IL7R: variants seen among roughly 807,000 people sequenced by gnomAD.
IL7R encodes interleukin-7 receptor subunit alpha.
In IL7R, 38 loss-of-function variants were observed where a neutral mutation model predicts 47.0. The ratio of observed to expected loss-of-function variants is 0.81; its 90% CI spans 0.62 to 1.06. The LOEUF (loss-of-function observed/expected upper bound fraction) is 1.06, where lower values mean the gene tolerates loss of function less well. IL7R is among the 50% of genes least tolerant of loss of function. The probability of loss-of-function intolerance (pLI) is 0.00; values close to 1 mark genes in which losing one functional copy is unlikely to be tolerated. For missense variants in IL7R, 633 were observed against 534.8 expected, an observed-to-expected ratio of 1.18 and a Z score of -1.81; for synonymous variants, 221 against 199.8, an observed-to-expected ratio of 1.11 and a Z score of -0.89.
intron 2 of IL7R, among the ~76,000 whole-genome samples, chr5:35,865,140 T>C (rs1288028941): frequency 6.6e-6 from 1 of 152,132 alleles, no homozygotes; most frequent in Non-Finnish European, 1.5e-5. Context: ...CCCTGGTGTG[T>C]GATGTTCCCC....
chr5:35,878,739 G>A lies in IL7R; in HGVS notation c.*2253G>A. Reference sequence around the variant, plus strand: ...GACTTATGGGAAAACTGGGACACAGGAAGACAGGTAAATTACCCAACCTCA... The same window carrying A: ...GACTTATGGGAAAACTGGGACACAGAAAGACAGGTAAATTACCCAACCTCA... On this transcript the variant is annotated 3_prime_UTR_variant, in exon 8 of 8. Coordinates refer to ENST00000303115, the MANE Select transcript of IL7R (RefSeq NM_002185.5). The A allele has an allele frequency of 4.3e-6, 1 of 232,928 alleles. No individual in the cohort carries two copies. The allele number at this position is 232,928 out of a possible 1,614,324, so 14.4% of individuals were successfully genotyped here. A position where few individuals can be genotyped will look rare whatever the true frequency, so the allele number is the denominator to read the frequency against.
intron 2 of IL7R, among the ~76,000 whole-genome samples, chr5:35,861,358 G>T (rs1405190218): frequency 6.6e-6 from 1 of 152,106 alleles, no homozygotes; most frequent in African/African-American, 2.4e-5. Flanking sequence ...GAGTTAAACT[G>T]CCTTGTTTCC....
intron 1 of IL7R, among the ~76,000 whole-genome samples, chr5:35,857,581 T>G (rs533656890): frequency 2.4e-4 from 37 of 152,320 alleles, no homozygotes; most frequent in African/African-American, 8.9e-4. Context: ...GAAAGTGTTT[T>G]CAAAATACTT....
chr5:35,859,653 G>A (rs978545948), intron 1 of IL7R, among the ~76,000 whole-genome samples: 1 of 152,128 alleles, frequency 6.6e-6, no homozygotes, highest in Non-Finnish European at 1.5e-5. Flanking sequence ...CATTCAACTG[G>A]TTGGTCCATT....
At chr5:35,857,642 A>G (rs1759691400) in intron 1 of IL7R, among the ~76,000 whole-genome samples, 1 of 152,314 alleles carries the variant, frequency 6.6e-6, no homozygotes, top group East Asian at 1.9e-4. Context: ...GACTAGAGAA[A>G]GATCTAAATG....
At chr5:35,863,989 A>G (rs1487055910) in intron 2 of IL7R, among the ~76,000 whole-genome samples, 1 of 152,146 alleles carries the variant, frequency 6.6e-6, no homozygotes, top group African/African-American at 2.4e-5. Flanking sequence ...CCAATGGTAA[A>G]GATATAGAAC....
At position 35,876,776 on chromosome 5, in the gene IL7R, G is replaced by A; in HGVS notation, c.*290G>A. The A allele has an allele frequency of 2.2e-6, 1 of 451,354 alleles. No homozygotes were observed. The highest frequency in any genetic ancestry group is 2.9e-5 in the South Asian group (1 of 34,514). 28.0% of individuals were successfully genotyped at this position (451,354 alleles called of 1,614,324 possible). On this transcript the variant is annotated 3_prime_UTR_variant, in exon 8 of 8. Coordinates refer to ENST00000303115, the MANE Select transcript of IL7R (RefSeq NM_002185.5). ...AAGAGGAAAGAATGAAAGAGTAAAG[G>A]AAATGATTGAGGAGTGAGGAAGGCA...
chr5:35,859,471 G>A lies in IL7R; in HGVS notation c.83-1381G>A, dbSNP rs373153163. 7.2e-5 allele frequency among the ~76,000 whole-genome samples: 11 copies of A among 152,238 alleles called. No individual in the cohort carries two copies. The East Asian group carries it at 2.1e-3, about 29-fold the overall frequency. ...TTATTTCGTGCTGTCATCAGAAGGA[G>A]GGCCATACCCTGCTGAAACTACATA... On this transcript the variant is annotated intron_variant, in intron 1 of 7. Coordinates refer to ENST00000303115, the MANE Select transcript of IL7R (RefSeq NM_002185.5).
At chr5:35,860,067 C>CA (rs34227144) in intron 1 of IL7R, among the ~76,000 whole-genome samples, 20,138 of 141,756 alleles carry the variant, frequency 0.14, 1,356 homozygotes, top group East Asian at 0.16. Flanking sequence ...AAAGTAATAG[C>CA]AAAAAAAAAA....
chr5:35,857,046 C>G lies in IL7R; in HGVS notation c.69C>G (p.Gly23=). ...TTCAAGTCGTTTCTGGAGAAAGTGG[C>G]TATGCTCAAAATGGTGAGTCATTTC... The part of the protein sequence containing the change: ...SLLQVVSGES[G]YAQNGDLEDA... The change falls in exon 1 of 8, where the codon GGC becomes GGG. Residue 23 remains glycine, a synonymous_variant. Coordinates refer to ENST00000303115, the MANE Select transcript of IL7R (RefSeq NM_002185.5). The G allele has an allele frequency of 6.2e-7, 1 of 1,600,902 alleles. No individual in the cohort carries two copies. Among genetic ancestry groups the G allele is most frequent in the Non-Finnish European group, 8.6e-7 (1 of 1,168,526 alleles).
At chr5:35,866,509 C>T (rs563351973) in intron 2 of IL7R, among the ~76,000 whole-genome samples, 1 of 151,988 alleles carries the variant, frequency 6.6e-6, no homozygotes, top group Admixed American at 6.6e-5. Flanking sequence ...ATAGAATTTA[C>T]CAGAATATAA....
In IL7R at chr5:35,876,256, T is replaced by C. The variant is rs200775167; in HGVS notation, c.1150T>C (p.Ser384Pro). ...TGCATGTGACGCCCCTATTCTCTCCTCTTCCAGGTCCCTAGACTGCAGGGA... is the reference window on the plus strand; with the variant it reads ...TGCATGTGACGCCCCTATTCTCTCCCCTTCCAGGTCCCTAGACTGCAGGGA... The part of the protein sequence containing the change: ...VSACDAPILS[S>P]SRSLDCRESG... Residue 384 changes from serine to proline, a missense_variant, in exon 8 of 8, where the codon TCT becomes CCT. Ser to Pro is a moderately conservative substitution (Grantham distance 74, BLOSUM62 -1). Coordinates refer to ENST00000303115, the MANE Select transcript of IL7R (RefSeq NM_002185.5). 7 of 1,614,108 alleles carry C rather than the reference T, an allele frequency of 4.3e-6. No individual in the cohort carries two copies. The highest frequency in any genetic ancestry group is 1.7e-5 in the Admixed American group (1 of 60,012).
In IL7R at chr5:35,868,634, C is replaced by G. The variant is rs11567740; in HGVS notation, c.379+1171C>G. Among the ~76,000 whole-genome samples the G allele has an allele frequency of 1.3e-3, 195 of 152,180 alleles. 1 individual carries two copies. The East Asian group carries it at 0.026, about 21-fold the overall frequency. ...GTTCTGATCATTTGGAGATGAGGTC[C>G]CTATGGATAGGGCACCATATCTAAA... is the stretch of plus-strand genomic sequence containing the variant. On this transcript the variant is annotated intron_variant, in intron 3 of 7. Transcript: ENST00000303115.
chr5:35,875,944 T>G (rs1287180427), intron 7 of IL7R, 39 bp from the exon 8 acceptor site: 1 of 1,601,512 alleles, frequency 6.2e-7, no homozygotes, highest in Admixed American at 1.7e-5. Context: ...TGTGTCTCTC[T>G]GGTGCCATCT....
chr5:35,875,307 G>A (rs1760175863), intron 6 of IL7R: 1 of 627,120 alleles, frequency 1.6e-6, no homozygotes, highest in Non-Finnish European at 2.9e-6. Flanking sequence ...TGATATCTGT[G>A]GTCTCTGGTC....
intron 1 of IL7R, among the ~76,000 whole-genome samples, chr5:35,857,448 C>A (rs879852556): frequency 1.3e-4 from 20 of 150,286 alleles, no homozygotes; most frequent in East Asian, 3.9e-4. Flanking sequence ...TTAAGAAATC[C>A]TGAAAGCATA....
chr5:35,861,273 G>A (rs1265311759), intron 2 of IL7R, among the ~76,000 whole-genome samples: 2 of 151,952 alleles, frequency 1.3e-5, no homozygotes, highest in African/African-American at 4.8e-5. Flanking sequence ...TAAATCCTGC[G>A]TCTCCTACAA....
At chr5:35,874,588 G>A in intron 6 of IL7R, 46 bp downstream of exon 6, 1 of 1,352,638 alleles carries the variant, frequency 7.4e-7, no homozygotes, top group Non-Finnish European at 1.1e-6. Flanking sequence ...TGGGATCACG[G>A]ACAGTCAGAG....
intron 1 of IL7R, among the ~76,000 whole-genome samples, chr5:35,858,251 AT>A (rs1759710101): frequency 6.6e-6 from 1 of 152,172 alleles, no homozygotes; most frequent in African/African-American, 2.4e-5. Flanking sequence ...TTTTTAGAAG[AT>A]GTATAATTAC....
Sources: allele counts gnomAD v4.1 joint callset (sites outside exome capture counted in the v4.1 genomes callset), GRCh38; gene constraint gnomAD v4.1.1; transcripts MANE v1.5; gene names NCBI Gene and HGNC (gene_info 2026-07-23, HGNC 2026-07-21).